ACCSL: variants seen among roughly 807,000 people sequenced by gnomAD.
ACCSL encodes 1-aminocyclopropane-1-carboxylate synthase homolog (inactive) like, also known as probable inactive 1-aminocyclopropane-1-carboxylate synthase-like protein 2.
ACCSL carries 55 observed loss-of-function variants against 61.7 expected under a neutral mutation model. The observed-to-expected ratio is 0.89, with a 90% CI of 0.72 to 1.12. The LOEUF (loss-of-function observed/expected upper bound fraction) is 1.12, where lower values mean the gene tolerates loss of function less well. Among genes scored for constraint, ACCSL ranks in the 50% most tolerant of loss-of-function variants. ACCSL has a pLI of 0.00. For missense variants in ACCSL, 632 were observed against 698.0 expected (o/e 0.91, Z 1.07); for synonymous variants, 258 against 264.3 (o/e 0.98, Z 0.23).
At chr11:43,993,073 TCA>T in the ACCSL span, among the ~76,000 whole-genome samples, 1 of 137,038 alleles carries the variant, frequency 7.3e-6, no homozygotes, top group Admixed American at 7.3e-5. Context: ...TAGAGCGGAA[TCA>T]CAGTCTTCCA....
chr11:44,009,494 A>G, the ACCSL span, among the ~76,000 whole-genome samples: 2 of 152,194 alleles, frequency 1.3e-5, no homozygotes, highest in African/African-American at 2.4e-5. Flanking sequence ...GGCCGGGCGC[A>G]GTGGCTCACG....
At chr11:43,963,103 C>T in the ACCSL span, among the ~76,000 whole-genome samples, 1 of 152,172 alleles carries the variant, frequency 6.6e-6, no homozygotes, top group South Asian at 2.1e-4. Context: ...ACATCTGAGC[C>T]TGTGGAGAGG....
chr11:43,956,027 A>G, the ACCSL span, among the ~76,000 whole-genome samples: 9 of 152,024 alleles, frequency 5.9e-5, no homozygotes, highest in South Asian at 1.7e-3. Context: ...TTGATTGGGC[A>G]GCCTCCAGAA....
chr11:43,985,717 T>C, the ACCSL span, among the ~76,000 whole-genome samples: 879 of 152,274 alleles, frequency 5.8e-3, 11 homozygotes, highest in African/African-American at 0.021. Context: ...TTGTCACCAT[T>C]ATTAATATCC....
chr11:44,008,490 G>A, the ACCSL span, among the ~76,000 whole-genome samples: 30 of 152,324 alleles, frequency 2.0e-4, no homozygotes, highest in African/African-American at 3.8e-4. Context: ...TTCTTCTGTC[G>A]TTGTGAACAG....
upstream of ACCSL, among the ~76,000 whole-genome samples, chr11:44,046,623 T>C (rs1249767204): frequency 6.6e-6 from 1 of 152,208 alleles, no homozygotes; most frequent in Non-Finnish European, 1.5e-5. Context: ...TCTGAAGTAC[T>C]GGTGCCCTAA....
At chr11:44,013,708 A>T in the ACCSL span, among the ~76,000 whole-genome samples, 54 of 152,128 alleles carry the variant, frequency 3.5e-4, 1 homozygote, top group Non-Finnish European at 2.5e-4. Context: ...GTGAGCATAT[A>T]GTGATTCTAC....
the ACCSL span, among the ~76,000 whole-genome samples, chr11:44,026,839 C>T: frequency 6.6e-6 from 1 of 152,076 alleles, no homozygotes; most frequent in Non-Finnish European, 1.5e-5. Context: ...AAGCCATTCT[C>T]CCGCCTCAGC....
chr11:43,922,521 T>G, the ACCSL span, among the ~76,000 whole-genome samples: 1 of 152,194 alleles, frequency 6.6e-6, no homozygotes, highest in African/African-American at 2.4e-5. Context: ...TTAATCAGCA[T>G]CAGCATCCTC....
chr11:43,967,459 G>A, the ACCSL span, among the ~76,000 whole-genome samples: 2 of 151,832 alleles, frequency 1.3e-5, no homozygotes, highest in African/African-American at 2.4e-5. Context: ...AATTACAGGC[G>A]TGAACCACCA....
the ACCSL span, among the ~76,000 whole-genome samples, chr11:44,036,521 C>A: frequency 1.2e-4 from 19 of 152,306 alleles, no homozygotes; most frequent in South Asian, 4.1e-4. Context: ...GTGGTGCACA[C>A]CTGCAATCCC....
At chr11:44,018,223 G>A in the ACCSL span, among the ~76,000 whole-genome samples, 1 of 152,150 alleles carries the variant, frequency 6.6e-6, no homozygotes, top group Non-Finnish European at 1.5e-5. Flanking sequence ...GCAGATATCT[G>A]AGAGAGGGTG....
chr11:44,047,477 A>G (rs1276592967), upstream of ACCSL, among the ~76,000 whole-genome samples: 1 of 152,244 alleles, frequency 6.6e-6, no homozygotes. Context: ...TGTCATGACT[A>G]TTAAACTCTG....
the ACCSL span, among the ~76,000 whole-genome samples, chr11:43,980,862 C>T: frequency 6.6e-6 from 1 of 152,096 alleles, no homozygotes; most frequent in Non-Finnish European, 1.5e-5. Flanking sequence ...TTATCATCAT[C>T]ATCATCATTT....
the ACCSL span, among the ~76,000 whole-genome samples, chr11:43,922,494 C>T: frequency 6.6e-6 from 1 of 152,248 alleles, no homozygotes; most frequent in Admixed American, 6.5e-5. Context: ...GGGCAGGCAT[C>T]TGCATCTCAT....
chr11:44,017,555 G>A, the ACCSL span, among the ~76,000 whole-genome samples: 1 of 152,162 alleles, frequency 6.6e-6, no homozygotes, highest in Admixed American at 6.5e-5. Context: ...CCCAGGCTTG[G>A]GGGCAATCAG....
chr11:44,022,887 G>A, the ACCSL span, among the ~76,000 whole-genome samples: 1 of 151,890 alleles, frequency 6.6e-6, no homozygotes, highest in Non-Finnish European at 1.5e-5. Context: ...TTCTGTTTTT[G>A]GAAGAGTTTG....
At chr11:43,925,095 AAG>A in the ACCSL span, 2 of 200,548 alleles carry the variant, frequency 1.0e-5, no homozygotes, top group Admixed American at 9.8e-5. Flanking sequence ...GGTAAAAATC[AAG>A]AGGGGAGGCA....
chr11:44,036,391 C>A, the ACCSL span, among the ~76,000 whole-genome samples: 1 of 152,222 alleles, frequency 6.6e-6, no homozygotes, highest in African/African-American at 2.4e-5. Context: ...CTCGCTGGGC[C>A]TCAGTTTTGT....
Sources: gnomAD v4.1 joint callset for allele counts (sites outside exome capture counted in the v4.1 genomes callset) on GRCh38, gnomAD v4.1.1 for gene constraint, MANE v1.5 for transcripts, NCBI Gene and HGNC (gene_info 2026-07-23, HGNC 2026-07-21) for gene names.